GRIN1: variants seen among roughly 807,000 people sequenced by gnomAD.
The protein encoded by GRIN1 is glutamate ionotropic receptor NMDA type subunit 1, also known as glutamate receptor ionotropic, NMDA 1.
GRIN1 carries 38 observed loss-of-function variants against 103.0 expected under a neutral mutation model. That is an observed-to-expected ratio of 0.37 (90% CI 0.28 to 0.48). The LOEUF (loss-of-function observed/expected upper bound fraction) is 0.48. Ranked by LOEUF, GRIN1 falls within the 20% of genes least tolerant of loss-of-function variation. The pLI is 0.98. For synonymous variants in GRIN1, 544 were observed against 532.7 expected, an observed-to-expected ratio of 1.02 and a Z score of -0.29; for missense variants, 577 against 1,288.9, an observed-to-expected ratio of 0.45 and a Z score of 8.46.
At position 137,162,400 on chromosome 9, in the gene GRIN1, G is replaced by A. The variant is rs1833610208; in HGVS notation, c.1752-4G>A. ...CTCTCCCGCCCGCCCTCTGCGCCCC[G>A]CAGCCCCTTCGGCCGGTTCAAGGTG... On this transcript the variant is annotated splice_region_variant and splice_polypyrimidine_tract_variant and intron_variant, in intron 12 of 19. Transcript: ENST00000371561. 1 of 1,591,282 alleles carries A rather than the reference G, an allele frequency of 6.3e-7. No individual in the cohort carries two copies. Among genetic ancestry groups the A allele is most frequent in the Non-Finnish European group, 8.5e-7 (1 of 1,170,128 alleles).
intron 2 of GRIN1, 23 bp downstream of exon 2, chr9:137,142,170 G>T (rs201765218): frequency 6.2e-7 from 1 of 1,613,278 alleles, no homozygotes; most frequent in Non-Finnish European, 8.5e-7. Context: ...GCCAGACCAG[G>T]CCTTCCGGCC....
chr9:137,148,002 G>C, intron 3 of GRIN1: 29 of 362,870 alleles, frequency 8.0e-5, no homozygotes, highest in Non-Finnish European at 8.7e-5. Flanking sequence ...CCCCAGCCCC[G>C]CCCCGGGCCT....
chr9:137,144,587 G>A (rs573163640), intron 2 of GRIN1, among the ~76,000 whole-genome samples: 50 of 151,320 alleles, frequency 3.3e-4, no homozygotes, highest in South Asian at 8.4e-4. Flanking sequence ...CCCAGGAGGC[G>A]GAGCCTGCAG....
chr9:137,163,471 C>G (rs1013532152), intron 16 of GRIN1, 88 bp from the exon 17 acceptor site: 134 of 1,379,816 alleles, frequency 9.7e-5, no homozygotes, highest in Non-Finnish European at 1.3e-4. Context: ...CACCCTACCC[C>G]GCAGGCCCCG....
intron 4 of GRIN1, among the ~76,000 whole-genome samples, chr9:137,153,931 C>A (rs569176234): frequency 1.3e-5 from 2 of 152,188 alleles, no homozygotes; most frequent in East Asian, 3.9e-4. Context: ...CCTGCCTCAG[C>A]CTCCTGAGTA....
chr9:137,150,588 C>G (rs551130271), intron 4 of GRIN1, among the ~76,000 whole-genome samples: 1 of 140,702 alleles, frequency 7.1e-6, no homozygotes, highest in African/African-American at 2.7e-5. Flanking sequence ...AAGCCCCACC[C>G]AGGGAAAGCT....
chr9:137,150,839 G>A (rs1293371593), intron 4 of GRIN1, among the ~76,000 whole-genome samples: 2 of 82,676 alleles, frequency 2.4e-5, no homozygotes, highest in East Asian at 4.2e-4. Flanking sequence ...CCCAGGAAAA[G>A]CTCTGGCCAG....
intron 7 of GRIN1, 31 bp from the exon 8 acceptor site, chr9:137,158,590 G>T: frequency 6.2e-7 from 1 of 1,609,266 alleles, no homozygotes; most frequent in African/African-American, 1.3e-5. Flanking sequence ...CCCCTGCGTG[G>T]CCACCCTCCA....
Position 137,163,549 on chromosome 9 carries a change from C to T in GRIN1, c.2334-10C>T. 1 of 1,596,718 alleles carries T rather than the reference C, an allele frequency of 6.3e-7. No individual in the cohort carries two copies. The highest frequency in any genetic ancestry group is 8.6e-7 in the Non-Finnish European group (1 of 1,164,752). ...CGCCTCACTGCAGGCTCACTTGTTC[C>T]CACCGCCAGGTCCCACGAGAATGGC... On this transcript the variant is annotated splice_polypyrimidine_tract_variant and intron_variant, in intron 16 of 19. Transcript: ENST00000371561.
At chr9:137,142,269 T>C in intron 2 of GRIN1, 122 bp downstream of exon 2, 1 of 936,838 alleles carries the variant, frequency 1.1e-6, no homozygotes, top group Non-Finnish European at 1.7e-6. Flanking sequence ...GCCACACAGC[T>C]CCCCCACATT....
chr9:137,155,080 T>C (rs1389550421), intron 4 of GRIN1, among the ~76,000 whole-genome samples: 2 of 152,286 alleles, frequency 1.3e-5, no homozygotes, highest in Non-Finnish European at 2.9e-5. Flanking sequence ...CTTTTCATTT[T>C]CCTGAAGTCA....
rs1189132487 is a variant in GRIN1 at position 137,149,118 on chromosome 9, G to T, written c.671+9G>T. On this transcript the variant is annotated intron_variant, in intron 4 of 19. Coordinates refer to ENST00000371561, the MANE Select transcript of GRIN1 (RefSeq NM_007327.4). The stretch of plus-strand genomic sequence containing the variant: ...ATCATCCTTTCTGCCAGGTGAGGCT[G>T]GGCAGGGCCCTACACACTCCACACA... The T allele has an allele frequency of 6.4e-7, 1 of 1,573,370 alleles. No individual in the cohort carries two copies. Among genetic ancestry groups the T allele is most frequent in the Non-Finnish European group, 8.7e-7 (1 of 1,149,172 alleles).
chr9:137,145,532 T>G, intron 2 of GRIN1, among the ~76,000 whole-genome samples, 194 bp from the exon 3 acceptor site: 1 of 12,406 alleles, frequency 8.1e-5, no homozygotes. Flanking sequence ...CTAGAAAGTG[T>G]CCCCAGGGTG....
chr9:137,144,526 G>C (rs1418222056), intron 2 of GRIN1, among the ~76,000 whole-genome samples: 1 of 152,056 alleles, frequency 6.6e-6, no homozygotes, highest in Admixed American at 6.5e-5. Flanking sequence ...GTGGTGGCGG[G>C]CGCCTGTAGT....
At chr9:137,157,428 C>G (rs1833297031) in intron 6 of GRIN1, among the ~76,000 whole-genome samples, 1 of 152,194 alleles carries the variant, frequency 6.6e-6, no homozygotes, top group South Asian at 2.1e-4. Context: ...TGGGCCGTCA[C>G]TGGAGTGGGG....
At chr9:137,147,448 GCACACGCA>G (rs1564347156) in intron 3 of GRIN1, among the ~76,000 whole-genome samples, 1 of 151,372 alleles carries the variant, frequency 6.6e-6, no homozygotes, top group African/African-American at 2.4e-5. Context: ...ATGCACACAT[GCACACGCA>G]CACACATGCA....
chr9:137,145,834 A>T lies in GRIN1; in HGVS notation c.502A>T (p.Ser168Cys). The T allele has an allele frequency of 2.5e-6, 4 of 1,612,682 alleles. No individual in the cohort carries two copies. The highest frequency in any genetic ancestry group is 3.4e-6 in the Non-Finnish European group (4 of 1,179,362). Reference sequence around the variant, plus strand: ...CTGGAACCACATCATCCTGCTGGTCAGCGACGACCACGAGGGCCGGGCGGC... The same window carrying T: ...CTGGAACCACATCATCCTGCTGGTCTGCGACGACCACGAGGGCCGGGCGGC... Reference protein sequence around the residue: ...YSWNHIILLVSDDHEGRAAQK... With the variant: ...YSWNHIILLVCDDHEGRAAQK... The change falls in exon 3 of 20, where the codon AGC (serine) becomes TGC (cysteine). Residue 168 changes from serine (S) to cysteine (C), a missense_variant. By Grantham distance (112) the Ser-to-Cys change is moderately radical (BLOSUM62 -1). Coordinates refer to ENST00000371561, the MANE Select transcript of GRIN1 (RefSeq NM_007327.4).
At chr9:137,144,730 GTGT>G (rs1832403497) in intron 2 of GRIN1, among the ~76,000 whole-genome samples, 1 of 126,410 alleles carries the variant, frequency 7.9e-6, no homozygotes, top group African/African-American at 3.4e-5. Flanking sequence ...GTCCCCAGGG[GTGT>G]GGGGACAGGA....
chr9:137,148,979 C>A, intron 3 of GRIN1, 30 bp from the exon 4 acceptor site: 1 of 1,522,232 alleles, frequency 6.6e-7, no homozygotes, highest in East Asian at 2.3e-5. Flanking sequence ...CTGCCCCAGC[C>A]GCCTGCTAAC....
Sources: gnomAD v4.1 joint callset for allele counts (sites outside exome capture counted in the v4.1 genomes callset) on GRCh38, gnomAD v4.1.1 for gene constraint, MANE v1.5 for transcripts, NCBI Gene and HGNC (gene_info 2026-07-23, HGNC 2026-07-21) for gene names.